The following POLR1F variants were observed in gnomAD, a reference collection of about 807,000 sequenced individuals.
POLR1F encodes RNA polymerase I subunit F.
A neutral mutation model predicts 21.8 loss-of-function variants in POLR1F; 23 were observed. That is an observed-to-expected ratio of 1.05 (90% CI 0.76 to 1.49). POLR1F has a LOEUF of 1.49. POLR1F is among the 40% of genes most tolerant of loss of function. POLR1F has a pLI of 0.00. For synonymous variants in POLR1F, 162 were observed against 152.8 expected (o/e 1.06, Z -0.45); for missense variants, 435 against 412.1 (o/e 1.06, Z -0.48).
chr7:19,696,387 G>GT lies in POLR1F; in HGVS notation c.*1928dup. ...AAGTATTACTTGAAGCAAAACAAAA[G>GT]TAACGTGGGAACTTGCTTATTTGCT... On this transcript the variant is annotated 3_prime_UTR_variant, in exon 4 of 4. Transcript: ENST00000222567. 6.6e-6 allele frequency: 1 copy of GT among 152,086 alleles called. No homozygotes were observed. The highest frequency in any genetic ancestry group is 2.1e-4 in the South Asian group (1 of 4,822). The allele number at this position is 152,086 out of a possible 1,614,324, so 9.4% of individuals were successfully genotyped here. A position where few individuals can be genotyped will look rare whatever the true frequency, so the allele number is the denominator to read the frequency against.
At position 19,700,292 on chromosome 7, in the gene POLR1F, A is replaced by G; in HGVS notation, c.397-12T>C. 6.2e-7 allele frequency: 1 copy of G among 1,606,518 alleles called. No individual in the cohort carries two copies. Among genetic ancestry groups the G allele is most frequent in the Non-Finnish European group, 8.5e-7 (1 of 1,173,466 alleles). Reference sequence around the variant, plus strand: ...TTATTAACTATACCCTGGGAAGAAGAAGGAAGAAAGAGCGTAACATAAAGA... The same window carrying G: ...TTATTAACTATACCCTGGGAAGAAGGAGGAAGAAAGAGCGTAACATAAAGA... On this transcript the variant is annotated splice_polypyrimidine_tract_variant and intron_variant, in intron 2 of 3. Coordinates refer to ENST00000222567, the MANE Select transcript of POLR1F (RefSeq NM_001002926.2).
rs1292010843 is a variant in POLR1F at position 19,697,938 on chromosome 7, C to T, written c.*378G>A. On this transcript the variant is annotated 3_prime_UTR_variant, in exon 4 of 4. Transcript: ENST00000222567. The stretch of plus-strand genomic sequence containing the variant: ...GTAATAAGGTGAAGCCTATTAAACA[C>T]ACACAAAATCAAATCATCAAAATCT... The T allele has an allele frequency of 6.3e-6, 1 of 159,250 alleles. No homozygotes were observed. The highest frequency in any genetic ancestry group is 1.4e-5 in the Non-Finnish European group (1 of 73,028). The allele number at this position is 159,250 out of a possible 1,614,324, so 9.9% of individuals were successfully genotyped here.
chr7:19,704,597 A>G (rs1783491674), intron 2 of POLR1F, among the ~76,000 whole-genome samples, 182 bp downstream of exon 2: 2 of 152,208 alleles, frequency 1.3e-5, no homozygotes, highest in Admixed American at 1.3e-4. Flanking sequence ...GTGTTTTAGG[A>G]GGATATTCAA....
At chr7:19,703,817 C>T (rs1255463996) in intron 2 of POLR1F, among the ~76,000 whole-genome samples, 1 of 152,178 alleles carries the variant, frequency 6.6e-6, no homozygotes, top group Non-Finnish European at 1.5e-5. Context: ...TGGTCTTAAA[C>T]TCCTGGCCTC....
In POLR1F at chr7:19,696,774, T is replaced by C. The variant is rs754869527; in HGVS notation, c.*1542A>G. ...ATTTAAGCCACTATACCAAGACATA[T>C]TGATTTCACCAATATAAAAATTGAG... On this transcript the variant is annotated 3_prime_UTR_variant, in exon 4 of 4. Transcript: ENST00000222567. 44 of 152,136 alleles carry C rather than the reference T, an allele frequency of 2.9e-4. No homozygotes were observed. The highest frequency in any genetic ancestry group is 1.1e-3 in the African/African-American group (44 of 41,456). 9.4% of individuals were successfully genotyped at this position (152,136 alleles called of 1,614,324 possible).
intron 2 of POLR1F, among the ~76,000 whole-genome samples, 200 bp downstream of exon 2, chr7:19,704,579 G>A (rs989302791): frequency 6.6e-6 from 1 of 152,098 alleles, no homozygotes; most frequent in African/African-American, 2.4e-5. Context: ...TATATCGTGT[G>A]CATGTATGTG....
At position 19,708,849 on chromosome 7, in the gene POLR1F, G is replaced by A. The variant is rs915915065; in HGVS notation, c.168C>T (p.His56=). ...SCLVAGPHQR[H]IALSPRYLNR... is the part of the protein sequence containing the mutation. Reference sequence around the variant, plus strand: ...TAAGGTAGCGGGGCGACAGCGCGATGTGCCTTTGGTGCGGCCCGGCCACCA... The same window carrying A: ...TAAGGTAGCGGGGCGACAGCGCGATATGCCTTTGGTGCGGCCCGGCCACCA... The change falls in exon 1 of 4, where the codon CAC becomes CAT. Residue 56 remains histidine (H), a synonymous_variant. Coordinates refer to ENST00000222567, the MANE Select transcript of POLR1F (RefSeq NM_001002926.2). The A allele has an allele frequency of 3.1e-6, 5 of 1,614,234 alleles. No individual in the cohort carries two copies. The South Asian group carries it at 4.4e-5, about 14-fold the overall frequency.
chr7:19,707,452 AC>A (rs1320559745), intron 1 of POLR1F, among the ~76,000 whole-genome samples: 1 of 152,044 alleles, frequency 6.6e-6, no homozygotes, highest in Non-Finnish European at 1.5e-5. Context: ...GTCATCTTTG[AC>A]CCCCTGCCCT....
At position 19,700,373 on chromosome 7, in the gene POLR1F, A is replaced by G; in HGVS notation, c.397-93T>C. 4 of 945,994 alleles carry G rather than the reference A, an allele frequency of 4.2e-6. No homozygotes were observed. The Admixed American group carries it at 8.7e-5, about 21-fold the overall frequency. The allele number at this position is 945,994 out of a possible 1,614,324, so 58.6% of individuals were successfully genotyped here. On this transcript the variant is annotated intron_variant, in intron 2 of 3. Transcript: ENST00000222567. The stretch of plus-strand genomic sequence containing the variant: ...ACTTTACAAGCTTCAAATAATCTTC[A>G]AAGAACAAACATCAAATTAATGGTC...
At chr7:19,707,131 T>C (rs905549756) in intron 1 of POLR1F, among the ~76,000 whole-genome samples, 4 of 152,228 alleles carry the variant, frequency 2.6e-5, no homozygotes, top group Admixed American at 2.0e-4. Flanking sequence ...TCTAATCATT[T>C]TCTCTTGGAC....
rs1237808408 is a variant in POLR1F at position 19,695,489 on chromosome 7, T to C, written c.*2827A>G. 2 of 152,026 alleles carry C rather than the reference T, an allele frequency of 1.3e-5. No individual in the cohort carries two copies. Among genetic ancestry groups the C allele is most frequent in the Non-Finnish European group, 1.5e-5 (1 of 67,960 alleles). The allele number at this position is 152,026 out of a possible 1,614,324, so 9.4% of individuals were successfully genotyped here. A position where few individuals can be genotyped will look rare whatever the true frequency, so the allele number is the denominator to read the frequency against. On this transcript the variant is annotated 3_prime_UTR_variant, in exon 4 of 4. Coordinates refer to ENST00000222567, the MANE Select transcript of POLR1F (RefSeq NM_001002926.2). ...CATTTGAAACTGTGCTTTTTATTTA[T>C]CAATTTAAAATTATCTGTTGATGCT...
rs983064827 is a variant in POLR1F, at chr7:19,697,706, T to C, written c.*610A>G. 3 of 145,244 alleles carry C rather than the reference T, an allele frequency of 2.1e-5. No individual in the cohort carries two copies. Among genetic ancestry groups the C allele is most frequent in the African/African-American group, 7.5e-5 (3 of 39,986 alleles). The allele number at this position is 145,244 out of a possible 1,614,324, so 9.0% of individuals were successfully genotyped here. A position where few individuals can be genotyped will look rare whatever the true frequency, so the allele number is the denominator to read the frequency against. The stretch of plus-strand genomic sequence containing the variant: ...TAAGAAGACAAGGACACACATGCAC[T>C]TGGAAGAAAGAAAAGAAAATAATGA... On this transcript the variant is annotated 3_prime_UTR_variant, in exon 4 of 4. Transcript: ENST00000222567.
chr7:19,698,629 G>A lies in POLR1F; in HGVS notation c.704C>T (p.Pro235Leu). 3 of 1,602,804 alleles carry A rather than the reference G, an allele frequency of 1.9e-6. No individual in the cohort carries two copies. Among genetic ancestry groups the A allele is most frequent in the East Asian group, 4.5e-5 (2 of 44,582 alleles). Residue 235 changes from proline to leucine, a missense_variant, in exon 4 of 4, where the codon CCA (proline) becomes CTA (leucine). Transcript: ENST00000222567. The stretch of plus-strand genomic sequence containing the variant: ...ACCACTGTCCACTTCATATGTCTCT[G>A]GGTCTTTCTTCTTTTTCTTCTTTTT... ...KPKKKKKKKD[P>L]ETYEVDSGTT...
rs1234938209 is a variant in POLR1F, at chr7:19,695,564, A to G, written c.*2752T>C. ...TAAATACTATAGATATAGTTAAGGC[A>G]TAATTCCAGCCCTCAGGAAACTTAT... On this transcript the variant is annotated 3_prime_UTR_variant, in exon 4 of 4. Coordinates refer to ENST00000222567, the MANE Select transcript of POLR1F (RefSeq NM_001002926.2). The G allele has an allele frequency of 1.3e-5, 2 of 152,170 alleles. No individual in the cohort carries two copies. The highest frequency in any genetic ancestry group is 4.8e-5 in the African/African-American group (2 of 41,464). The allele number at this position is 152,170 out of a possible 1,614,324, so 9.4% of individuals were successfully genotyped here. A position where few individuals can be genotyped will look rare whatever the true frequency, so the allele number is the denominator to read the frequency against.
intron 1 of POLR1F, among the ~76,000 whole-genome samples, chr7:19,707,372 C>T (rs1305406375): frequency 6.6e-6 from 1 of 152,156 alleles, no homozygotes; most frequent in African/African-American, 2.4e-5. Flanking sequence ...ACAACAACCC[C>T]ACCTTACCCC....
chr7:19,699,001 C>A (rs985510609), intron 3 of POLR1F, among the ~76,000 whole-genome samples: 1 of 152,032 alleles, frequency 6.6e-6, no homozygotes, highest in Non-Finnish European at 1.5e-5. Context: ...TGTTTCCACA[C>A]ATAAAAATGA....
intron 2 of POLR1F, among the ~76,000 whole-genome samples, chr7:19,703,783 G>T (rs752294366): frequency 6.6e-6 from 1 of 151,984 alleles, no homozygotes; most frequent in South Asian, 2.1e-4. Flanking sequence ...GTGTAGAGAT[G>T]AGGTCTCACT....
At chr7:19,700,870 G>A (rs1323089247) in intron 2 of POLR1F, among the ~76,000 whole-genome samples, 2 of 152,094 alleles carry the variant, frequency 1.3e-5, no homozygotes, top group Non-Finnish European at 2.9e-5. Context: ...GCTAAATCAC[G>A]AAAGTATTAT....
chr7:19,708,427 T>C lies in POLR1F; in HGVS notation c.254+336A>G, dbSNP rs986989816. 9.9e-5 allele frequency among the ~76,000 whole-genome samples: 15 copies of C among 152,102 alleles called. No individual in the cohort carries two copies. The South Asian group carries it at 1.0e-3, about 11-fold the overall frequency. ...CATCCGTAAGGGGATAAATGAAACG[T>C]TGAATGCCAAACAGAACTGGGCCTA... On this transcript the variant is annotated intron_variant, in intron 1 of 3. Transcript: ENST00000222567.
Sources: gnomAD v4.1 joint callset for allele counts (sites outside exome capture counted in the v4.1 genomes callset) on GRCh38, gnomAD v4.1.1 for gene constraint, MANE v1.5 for transcripts, NCBI Gene and HGNC (gene_info 2026-07-23, HGNC 2026-07-21) for gene names.